IL1RAPL1: variants seen among roughly 807,000 people sequenced by gnomAD.
IL1RAPL1 encodes the protein interleukin-1 receptor accessory protein-like 1.
IL1RAPL1 carries 3 observed loss-of-function variants against 48.4 expected under a neutral mutation model. That is an observed-to-expected ratio of 0.06 (90% CI 0.03 to 0.16). The LOEUF (loss-of-function observed/expected upper bound fraction) is 0.16. IL1RAPL1 is among the 10% of genes least tolerant of loss of function. IL1RAPL1 has a pLI of 1.00. For missense variants in IL1RAPL1, 349 were observed against 530.6 expected (o/e 0.66, Z 3.36); for synonymous variants, 185 against 187.7 (o/e 0.99, Z 0.12).
At chrX:28,986,610 A>G (rs1399783080) in intron 2 of IL1RAPL1, among the ~76,000 whole-genome samples, 1 of 112,392 alleles carries the variant, frequency 8.9e-6, no homozygotes, top group Non-Finnish European at 1.9e-5. Flanking sequence ...GACAGAAATA[A>G]AGAGTGAAAT....
chrX:29,820,270 G>T (rs1216723712), intron 6 of IL1RAPL1, among the ~76,000 whole-genome samples: 2 of 110,432 alleles, frequency 1.8e-5, no homozygotes, highest in African/African-American at 6.5e-5. Flanking sequence ...ATATGGTTAG[G>T]ATTCAATAAT....
chrX:29,050,854 A>G (rs745989267), intron 2 of IL1RAPL1, among the ~76,000 whole-genome samples: 15 of 112,352 alleles, frequency 1.3e-4, no homozygotes, highest in Admixed American at 2.8e-4. Context: ...TCTGAAAAGC[A>G]ATCCATGTAC....
chrX:29,154,804 A>T (rs1417368489), intron 2 of IL1RAPL1, among the ~76,000 whole-genome samples: 1 of 111,526 alleles, frequency 9.0e-6, no homozygotes, highest in Non-Finnish European at 1.9e-5. Context: ...AATAAAATTT[A>T]ATTTTGTGTT....
At chrX:28,873,456 A>G in intron 2 of IL1RAPL1, among the ~76,000 whole-genome samples, 1 of 104,890 alleles carries the variant, frequency 9.5e-6, no homozygotes, top group Non-Finnish European at 2.0e-5. Context: ...TGCCATAAGG[A>G]TATGAGTTAA....
At chrX:28,929,426 C>T (rs1326196187) in intron 2 of IL1RAPL1, among the ~76,000 whole-genome samples, 1 of 111,819 alleles carries the variant, frequency 8.9e-6, no homozygotes, top group Non-Finnish European at 1.9e-5. Flanking sequence ...TCCCACTCCT[C>T]TCATTCCTTA....
intron 3 of IL1RAPL1, among the ~76,000 whole-genome samples, chrX:29,350,363 C>T: frequency 9.9e-6 from 1 of 101,329 alleles, no homozygotes. Context: ...TATATTTCAC[C>T]TTACTATCCA....
intron 3 of IL1RAPL1, among the ~76,000 whole-genome samples, chrX:29,309,329 C>T (rs1171311144): frequency 2.7e-5 from 3 of 110,839 alleles, no homozygotes; most frequent in Non-Finnish European, 3.8e-5. Context: ...GGTGATTGGG[C>T]TTATCAAAAT....
chrX:29,012,197 C>T (rs942020095), intron 2 of IL1RAPL1, among the ~76,000 whole-genome samples: 4 of 112,317 alleles, frequency 3.6e-5, no homozygotes, highest in African/African-American at 6.5e-5. Flanking sequence ...TTTAAAAACA[C>T]GTCTAGATAG....
At chrX:29,811,883 T>C (rs1930388209) in intron 6 of IL1RAPL1, among the ~76,000 whole-genome samples, 1 of 112,086 alleles carries the variant, frequency 8.9e-6, no homozygotes, top group Non-Finnish European at 1.9e-5. Flanking sequence ...AATTTCACTT[T>C]CATTTTTTCA....
At chrX:28,886,053 T>C (rs1232419820) in intron 2 of IL1RAPL1, among the ~76,000 whole-genome samples, 3 of 110,685 alleles carry the variant, frequency 2.7e-5, no homozygotes, top group South Asian at 3.7e-4. Flanking sequence ...AAACCACAGA[T>C]TTTTTGTTTC....
At chrX:29,398,704 C>T (rs866483472) in intron 4 of IL1RAPL1, among the ~76,000 whole-genome samples, 3 of 111,883 alleles carry the variant, frequency 2.7e-5, no homozygotes, top group Admixed American at 9.5e-5. Flanking sequence ...AAATTTTCTG[C>T]TTTCCAGTAA....
chrX:29,912,054 CTAT>C (rs1932760733), intron 6 of IL1RAPL1, among the ~76,000 whole-genome samples: 2 of 112,026 alleles, frequency 1.8e-5, no homozygotes, highest in South Asian at 7.3e-4. Context: ...TTTTGAGTAT[CTAT>C]TATTTTTGTT....
In IL1RAPL1 at chrX:29,895,212, G is replaced by C. The variant is rs139909811; in HGVS notation, c.779-22252G>C. On this transcript the variant is annotated intron_variant, in intron 6 of 10. Coordinates refer to ENST00000378993, the MANE Select transcript of IL1RAPL1 (RefSeq NM_014271.4). ...AAATTAGAGGTTTTGGGGAGGATAA[G>C]TCTTGTTCACTGAAGAGTCCCTTTC... Among the ~76,000 whole-genome samples the C allele has an allele frequency of 9.2e-3, 1,022 of 111,591 alleles. 2 individuals carry two copies. Among genetic ancestry groups the C allele is most frequent in the Non-Finnish European group, 0.012 (653 of 53,084 alleles).
chrX:28,615,559 G>C (rs1180791082), intron 1 of IL1RAPL1, among the ~76,000 whole-genome samples: 1 of 110,595 alleles, frequency 9.0e-6, no homozygotes, highest in Admixed American at 9.7e-5. Context: ...GATGATAAAA[G>C]CCATCAACAG....
chrX:29,653,295 A>T (rs2147092742), intron 5 of IL1RAPL1, among the ~76,000 whole-genome samples: 1 of 112,202 alleles, frequency 8.9e-6, no homozygotes, highest in African/African-American at 3.2e-5. Flanking sequence ...ACCAAGCTTT[A>T]GTAATTTCTA....
At chrX:29,173,503 G>C (rs180907082) in intron 2 of IL1RAPL1, among the ~76,000 whole-genome samples, 64 of 111,889 alleles carry the variant, frequency 5.7e-4, no homozygotes, top group African/African-American at 1.8e-3. Context: ...GCTACTCTAA[G>C]TAAAGTCTCA....
At chrX:29,518,586 A>AT (rs1935471595) in intron 5 of IL1RAPL1, among the ~76,000 whole-genome samples, 2 of 111,794 alleles carry the variant, frequency 1.8e-5, no homozygotes, top group African/African-American at 6.5e-5. Context: ...TAGGTCAATG[A>AT]AACCAGCCAG....
chrX:29,102,605 G>T (rs1928364055), intron 2 of IL1RAPL1, among the ~76,000 whole-genome samples: 1 of 108,803 alleles, frequency 9.2e-6, no homozygotes, highest in African/African-American at 3.4e-5. Flanking sequence ...GGCAGAGGTT[G>T]CAGTGAGCCA....
intron 1 of IL1RAPL1, among the ~76,000 whole-genome samples, chrX:28,639,319 A>T (rs1934506409): frequency 8.9e-6 from 1 of 111,983 alleles, no homozygotes; most frequent in South Asian, 3.7e-4. Context: ...TAGTTTAGCC[A>T]TGGTGTGTAT....
Sources: gnomAD v4.1 joint callset for allele counts (sites outside exome capture counted in the v4.1 genomes callset) on GRCh38, gnomAD v4.1.1 for gene constraint, MANE v1.5 for transcripts, NCBI Gene and HGNC (gene_info 2026-07-23, HGNC 2026-07-21) for gene names.